SH2D2A: variants seen among roughly 807,000 people sequenced by gnomAD.
SH2D2A encodes SH2 domain containing 2A, also known as SH2 domain-containing protein 2A.
Under a neutral mutation model 43.6 loss-of-function variants are expected in SH2D2A, and 33 were observed. The observed-to-expected ratio is 0.76, with a 90% CI of 0.57 to 1.01. The LOEUF (loss-of-function observed/expected upper bound fraction) is 1.01. Ranked by LOEUF, SH2D2A falls within the 50% of genes least tolerant of loss-of-function variation. The pLI is 0.00. For missense variants in SH2D2A, 491 were observed against 503.1 expected, an observed-to-expected ratio of 0.98 and a Z score of 0.23; for synonymous variants, 212 against 206.1, an observed-to-expected ratio of 1.03 and a Z score of -0.25.
Position 156,809,196 on chromosome 1 carries a change from C to T in SH2D2A, c.1002+7G>A. On this transcript the variant is annotated splice_region_variant and intron_variant, in intron 7 of 8. Transcript: ENST00000368199. This position sits in a 1 kb window ranked among gnomAD's most constrained non-coding sequence, Gnocchi z 4.8. ...TTGCACCTACCTTTCCCTGCATACCCATTTACCTGGCCTCCTGGGACAGGC... is the reference window on the plus strand; with the variant it reads ...TTGCACCTACCTTTCCCTGCATACCTATTTACCTGGCCTCCTGGGACAGGC... The T allele has an allele frequency of 6.2e-7, 1 of 1,600,788 alleles. No homozygotes were observed. The highest frequency in any genetic ancestry group is 8.5e-7 in the Non-Finnish European group (1 of 1,172,562).
chr1:156,813,471 G>A (rs934977160), intron 5 of SH2D2A, among the ~76,000 whole-genome samples: 9 of 152,182 alleles, frequency 5.9e-5, no homozygotes, highest in African/African-American at 1.2e-4. Flanking sequence ...ACTTGAACCC[G>A]GGAGGTGGAG....
rs997762437 is a variant in SH2D2A at position 156,816,035 on chromosome 1, T to G, written c.94A>C (p.Arg32=). 1.9e-6 allele frequency: 3 copies of G among 1,614,076 alleles called. No individual in the cohort carries two copies. Among genetic ancestry groups the G allele is most frequent in the Admixed American group, 3.3e-5 (2 of 60,018 alleles). The change falls in exon 2 of 9, where the codon AGG becomes CGG. Residue 32 remains arginine, a synonymous_variant. Coordinates refer to ENST00000368199, the MANE Select transcript of SH2D2A (RefSeq NM_003975.4). ...STFQITDMTR[R]SCQNLGYTAA... ...GTGTAGCCCAGGTTCTGGCAGCTCC[T>G]GCGGGTCATGTCTGTGATCTGGAAG...
chr1:156,816,842 T>C lies in SH2D2A; in HGVS notation c.-134A>G. On this transcript the variant is annotated 5_prime_UTR_variant, in exon 1 of 9. Coordinates refer to ENST00000368199, the MANE Select transcript of SH2D2A (RefSeq NM_003975.4). ...GGAAATGTCGCCTTACCCACAGCCT[T>C]AGTTCTGGCGAGGACTCACGTCATG... The C allele has an allele frequency of 1.3e-6, 1 of 794,368 alleles. No homozygotes were observed. The highest frequency in any genetic ancestry group is 3.6e-5 in the Admixed American group (1 of 27,610). 49.2% of individuals were successfully genotyped at this position (794,368 alleles called of 1,614,324 possible).
intron 3 of SH2D2A, 114 bp from the exon 4 acceptor site, chr1:156,814,408 T>G (rs957050543): frequency 4.7e-6 from 7 of 1,504,042 alleles, no homozygotes; most frequent in African/African-American, 1.4e-5. Context: ...CTGGAGCGGC[T>G]AGAGAAAGGC....
intron 2 of SH2D2A, 80 bp downstream of exon 2, chr1:156,815,926 C>T: frequency 6.2e-7 from 1 of 1,609,462 alleles, no homozygotes; most frequent in Non-Finnish European, 8.5e-7. Context: ...TGGCCTTTGT[C>T]CATCTGCAAG....
chr1:156,814,886 A>G, intron 3 of SH2D2A, 151 bp downstream of exon 3: 1 of 576,180 alleles, frequency 1.7e-6, no homozygotes, highest in Non-Finnish European at 2.9e-6. Context: ...AAGGCTAGGA[A>G]AACTCTGGGA....
chr1:156,815,824 C>G, intron 2 of SH2D2A, 182 bp downstream of exon 2: 5 of 1,614,108 alleles, frequency 3.1e-6, no homozygotes, highest in Non-Finnish European at 4.2e-6. Flanking sequence ...GTGGGCAACT[C>G]GGCGCATGAA....
Position 156,809,513 on chromosome 1 carries a change from G to T in SH2D2A, c.715-23C>A. ...GGGCTGGGAGAGAAGGTGAGGCCAGGGAGGAGTGGGGTGAGGGAGGCAGGG... is the reference window on the plus strand; with the variant it reads ...GGGCTGGGAGAGAAGGTGAGGCCAGTGAGGAGTGGGGTGAGGGAGGCAGGG... On this transcript the variant is annotated intron_variant, in intron 6 of 8. Transcript: ENST00000368199. The surrounding 1 kb of genome is among the most constrained non-coding windows in gnomAD (Gnocchi z 4.8). 2 of 1,578,610 alleles carry T rather than the reference G, an allele frequency of 1.3e-6. No individual in the cohort carries two copies. The highest frequency in any genetic ancestry group is 1.7e-6 in the Non-Finnish European group (2 of 1,162,054).
rs759965228 is a variant in SH2D2A, at chr1:156,809,426, T to C, written c.779A>G (p.Tyr260Cys). 5.6e-6 allele frequency: 9 copies of C among 1,613,372 alleles called. No homozygotes were observed. The South Asian group carries it at 8.8e-5, about 16-fold the overall frequency. ...PAKPQLPPEV[Y>C]TIPVPRHRPA... Reference sequence around the variant, plus strand: ...GCGGTGTCGTGGAACAGGGATTGTGTAGACTTCTGGGGGCAGCTGAGGTTT... The same window carrying C: ...GCGGTGTCGTGGAACAGGGATTGTGCAGACTTCTGGGGGCAGCTGAGGTTT... The change falls in exon 7 of 9, where the codon TAC (tyrosine) becomes TGC (cysteine). Residue 260 changes from tyrosine to cysteine, a missense_variant. Tyr to Cys is a radical substitution (Grantham distance 194, BLOSUM62 -2). Coordinates refer to ENST00000368199, the MANE Select transcript of SH2D2A (RefSeq NM_003975.4). The surrounding 1 kb of genome is among the most constrained non-coding windows in gnomAD (Gnocchi z 4.8).
intron 1 of SH2D2A, 85 bp downstream of exon 1, chr1:156,816,590 G>A: frequency 2.8e-6 from 4 of 1,443,120 alleles, no homozygotes; most frequent in Non-Finnish European, 2.8e-6. Context: ...CATCCCTGAA[G>A]TGGGAGCTCA....
chr1:156,808,837 C>T (rs931973133), intron 7 of SH2D2A, among the ~76,000 whole-genome samples: 13 of 152,162 alleles, frequency 8.5e-5, no homozygotes, highest in Admixed American at 2.6e-4. Context: ...CAGAGAGGCA[C>T]GGGGTGGGGT....
In SH2D2A at chr1:156,809,324, C is replaced by T. The variant is rs1363307154; in HGVS notation, c.881G>A (p.Arg294Gln). ...GCTGGGGGCTTCCCCAGGGCTGCCCCGGCCCATGGCATAGAAAGCTATGGG... is the reference window on the plus strand; with the variant it reads ...GCTGGGGGCTTCCCCAGGGCTGCCCTGGCCCATGGCATAGAAAGCTATGGG... Reference protein sequence around the residue: ...DEPIAFYAMGRGSPGEAPSNI... With the variant: ...DEPIAFYAMGQGSPGEAPSNI... Residue 294 changes from arginine to glutamine, a missense_variant, in exon 7 of 9, where the codon CGG (arginine) becomes CAG (glutamine). Transcript: ENST00000368199. The surrounding 1 kb of genome is among the most constrained non-coding windows in gnomAD (Gnocchi z 4.8). The T allele has an allele frequency of 1.2e-5, 20 of 1,614,022 alleles. No individual in the cohort carries two copies. The highest frequency in any genetic ancestry group is 8.3e-5 in the Admixed American group (5 of 59,994).
At chr1:156,816,185 G>A in intron 1 of SH2D2A, 91 bp from the exon 2 acceptor site, 1 of 1,496,342 alleles carries the variant, frequency 6.7e-7, no homozygotes, top group Non-Finnish European at 8.9e-7. Context: ...CAGGGGATCT[G>A]GAGGGCTGGG....
rs1653014322 is a variant in SH2D2A, at chr1:156,807,002, G to C, written c.*3+173C>G. ...CAGCCACGACCAATGGATTGGAGTT[G>C]GCATGCAAGATGACACCTCTTTGCC... On this transcript the variant is annotated intron_variant, in intron 8 of 8. Coordinates refer to ENST00000368199, the MANE Select transcript of SH2D2A (RefSeq NM_003975.4). This position sits in a 1 kb window ranked among gnomAD's most constrained non-coding sequence, Gnocchi z 5.1. Among the ~76,000 whole-genome samples, 1 of 152,142 alleles carries C rather than the reference G, an allele frequency of 6.6e-6. No individual in the cohort carries two copies. The highest frequency in any genetic ancestry group is 6.5e-5 in the Admixed American group (1 of 15,272).
rs1220171795 is a variant in SH2D2A, at chr1:156,809,911, G to A, written c.568-104C>T. 7.5e-7 allele frequency: 1 copy of A among 1,335,048 alleles called. No homozygotes were observed. The highest frequency in any genetic ancestry group is 1.0e-6 in the Non-Finnish European group (1 of 956,812). The allele number at this position is 1,335,048 out of a possible 1,614,324, so 82.7% of individuals were successfully genotyped here. A position where few individuals can be genotyped will look rare whatever the true frequency, so the allele number is the denominator to read the frequency against. On this transcript the variant is annotated intron_variant, in intron 5 of 8. Coordinates refer to ENST00000368199, the MANE Select transcript of SH2D2A (RefSeq NM_003975.4). This position sits in a 1 kb window ranked among gnomAD's most constrained non-coding sequence, Gnocchi z 4.8. ...AGTCTAAGTGGAGGATGGGGGAAGGGGGAGGAGCACAGAAATTTGGCCTGG... is the reference window on the plus strand; with the variant it reads ...AGTCTAAGTGGAGGATGGGGGAAGGAGGAGGAGCACAGAAATTTGGCCTGG...
chr1:156,815,056 G>A lies in SH2D2A; in HGVS notation c.289C>T (p.His97Tyr), dbSNP rs779471627. 4.5e-6 allele frequency: 7 copies of A among 1,570,620 alleles called. No individual in the cohort carries two copies. The highest frequency in any genetic ancestry group is 6.0e-6 in the Non-Finnish European group (7 of 1,157,142). The stretch of plus-strand genomic sequence containing the variant: ...ACTCACCTCCGGGTGATGAAGCCAT[G>A]GAACCAGGCAGGGGCTGCCCCGTGC... ...LQHGAAPAWF[H>Y]GFITRREAER... The change falls in exon 3 of 9, where the codon CAT becomes TAT. Residue 97 changes from histidine (H) to tyrosine (Y), a missense_variant. His to Tyr is a moderately conservative substitution (Grantham distance 83). Transcript: ENST00000368199.
rs1295336407 is a variant in SH2D2A at position 156,815,189 on chromosome 1, G to A, written c.156C>T (p.Asn52=). 11 of 1,587,126 alleles carry A rather than the reference G, an allele frequency of 6.9e-6. No homozygotes were observed. Among genetic ancestry groups the A allele is most frequent in the Non-Finnish European group, 8.6e-6 (10 of 1,165,884 alleles). Residue 52 remains asparagine, a synonymous_variant, in exon 3 of 9, where the codon AAC becomes AAT. Transcript: ENST00000368199. ...ASPQAPEAAS[N]TGNAERAEEV... ...CCTCTGCCCTCTCAGCATTCCCTGT[G>A]TTGGAGGCAGCCTCCGGGGCCTGGG...
rs542067267 is a variant in SH2D2A, at chr1:156,815,789, G to C, written c.123+217C>G. On this transcript the variant is annotated intron_variant, in intron 2 of 8. Coordinates refer to ENST00000368199, the MANE Select transcript of SH2D2A (RefSeq NM_003975.4). ...TGCGGACTCAGCCTGAGCTTCCAGA[G>C]GGCCTAGGAGCAGTAAGGGAGTGAG... is the stretch of plus-strand genomic sequence containing the variant. 6 of 1,613,624 alleles carry C rather than the reference G, an allele frequency of 3.7e-6. No individual in the cohort carries two copies. The African/African-American group carries it at 8.0e-5, about 22-fold the overall frequency.
intron 2 of SH2D2A, chr1:156,815,485 T>A: frequency 1.7e-6 from 1 of 592,858 alleles, no homozygotes. Flanking sequence ...CACACTGTGC[T>A]CTAGGAGGGG....
Sources: allele counts gnomAD v4.1 joint callset (sites outside exome capture counted in the v4.1 genomes callset), GRCh38; gene constraint gnomAD v4.1.1; non-coding constraint Gnocchi (gnomAD v3.1); transcripts MANE v1.5; gene names NCBI Gene and HGNC (gene_info 2026-07-23, HGNC 2026-07-21).